The following ZNF148 variants were observed in gnomAD, a reference collection of about 807,000 sequenced individuals.
ZNF148 encodes the protein zinc finger protein 148, also known as Beta-Enolase Repressor Factor-1.
Under a neutral mutation model 67.7 loss-of-function variants are expected in ZNF148, and 7 were observed. That is an observed-to-expected ratio of 0.10 (90% CI 0.06 to 0.19). ZNF148 has a LOEUF of 0.19. Among genes scored for constraint, ZNF148 ranks in the 10% least tolerant of loss-of-function variants. The probability of loss-of-function intolerance (pLI) is 1.00; values close to 1 mark genes in which losing one functional copy is unlikely to be tolerated. For missense variants in ZNF148, 583 were observed against 947.1 expected (o/e 0.62, Z 5.05); for synonymous variants, 333 against 330.7 (o/e 1.01, Z -0.08).
At chr3:125,280,974 G>A (rs1938353009) in intron 5 of ZNF148, among the ~76,000 whole-genome samples, 2 of 152,166 alleles carry the variant, frequency 1.3e-5, no homozygotes, top group Non-Finnish European at 1.5e-5. Flanking sequence ...ACACAGCTAT[G>A]ACCCCTTCTC....
intron 4 of ZNF148, chr3:125,311,237 A>C (rs1940195089): frequency 6.4e-6 from 1 of 155,324 alleles, no homozygotes; most frequent in Admixed American, 6.5e-5. Context: ...TAAAGTCAGA[A>C]AAAGTGATCG....
intron 4 of ZNF148, among the ~76,000 whole-genome samples, chr3:125,312,160 A>G (rs9858336): frequency 0.77 from 117,277 of 152,124 alleles, 45,754 homozygotes; most frequent in African/African-American, 0.85. Flanking sequence ...AATATTTCTC[A>G]TGAACACAAA....
At position 125,232,855 on chromosome 3, in the gene ZNF148, T is replaced by C. The variant is rs142424101; in HGVS notation, c.1871A>G (p.Asn624Ser). The C allele has an allele frequency of 8.7e-4, 1,399 of 1,613,862 alleles. No individual in the cohort carries two copies. Among genetic ancestry groups the C allele is most frequent in the Non-Finnish European group, 1.1e-3 (1,312 of 1,179,814 alleles). Reference sequence around the variant, plus strand: ...AGTCACAAAGTTAAGGCTCGGGCTATTCAAATAGGCATCATTTTGGCTAGT... The same window carrying C: ...AGTCACAAAGTTAAGGCTCGGGCTACTCAAATAGGCATCATTTTGGCTAGT... ...DRTSQNDAYL[N>S]SPSLNFVTDN... The change falls in exon 9 of 9, where the codon AAT becomes AGT. Residue 624 changes from asparagine (N) to serine (S), a missense_variant. Asn to Ser is a conservative substitution (Grantham distance 46). This residue lies in a region of ZNF148 where 158 missense variants were observed against 208.4 expected (regional missense o/e 0.76). Transcript: ENST00000360647. This position sits in a 1 kb window ranked among gnomAD's most constrained non-coding sequence, Gnocchi z 4.2.
intron 1 of ZNF148, among the ~76,000 whole-genome samples, chr3:125,368,443 TG>T (rs1042112565): frequency 2.0e-5 from 3 of 152,206 alleles, no homozygotes; most frequent in African/African-American, 7.2e-5. Context: ...ACTTCCTCCT[TG>T]GGAGTGTTTT....
At chr3:125,255,174 T>A (rs1006820893) in intron 7 of ZNF148, among the ~76,000 whole-genome samples, 1 of 151,850 alleles carries the variant, frequency 6.6e-6, no homozygotes, top group South Asian at 2.1e-4. Context: ...ATTATCAATG[T>A]CTGGTCTGTA....
chr3:125,263,891 A>C (rs141574600), intron 7 of ZNF148, among the ~76,000 whole-genome samples: 3 of 152,308 alleles, frequency 2.0e-5, no homozygotes, highest in African/African-American at 7.2e-5. Flanking sequence ...AAGCCTAGAA[A>C]TTTCAGCCCC....
chr3:125,273,771 A>AC (rs1156670669), intron 7 of ZNF148, among the ~76,000 whole-genome samples: 2 of 152,002 alleles, frequency 1.3e-5, no homozygotes. Context: ...GAGCCACCGC[A>AC]CCCGGCCGGG....
rs367660137 is a variant in ZNF148 at position 125,372,430 on chromosome 3, A to G, written c.-234+2672T>C. 2.2e-4 allele frequency among the ~76,000 whole-genome samples: 34 copies of G among 152,356 alleles called. 1 individual carries two copies. Among genetic ancestry groups the G allele is most frequent in the African/African-American group, 7.9e-4 (33 of 41,580 alleles). The stretch of plus-strand genomic sequence containing the variant: ...ACTAAAATAAATATCAAAGGTCAGA[A>G]AGGAGGAGAAAGGGGATAATGTCAA... On this transcript the variant is annotated intron_variant, in intron 1 of 8. Transcript: ENST00000360647.
At position 125,228,581 on chromosome 3, in the gene ZNF148, A is replaced by C. The variant is rs1252183600; in HGVS notation, c.*3760T>G. On this transcript the variant is annotated 3_prime_UTR_variant, in exon 9 of 9. Coordinates refer to ENST00000360647, the MANE Select transcript of ZNF148 (RefSeq NM_021964.3). ...CATATGCCTTCTAACATAAAGCAGT[A>C]CTGTGATTTGTTTGTACATATTTAC... 1 of 152,652 alleles carries C rather than the reference A, an allele frequency of 6.6e-6. No homozygotes were observed. The highest frequency in any genetic ancestry group is 1.9e-4 in the East Asian group (1 of 5,200). The allele number at this position is 152,652 out of a possible 1,614,324, so 9.5% of individuals were successfully genotyped here.
At chr3:125,267,260 G>GA (rs565392512) in intron 7 of ZNF148, among the ~76,000 whole-genome samples, 97 of 137,014 alleles carry the variant, frequency 7.1e-4, no homozygotes, top group South Asian at 1.2e-3. Context: ...ACACAACGGG[G>GA]AAAAAAAAAA....
At chr3:125,318,826 A>G (rs374246746) in intron 3 of ZNF148, among the ~76,000 whole-genome samples, 3 of 152,162 alleles carry the variant, frequency 2.0e-5, no homozygotes, top group Admixed American at 6.5e-5. Flanking sequence ...ACTCAGGCCA[A>G]TTTCTCCTAA....
In ZNF148 at chr3:125,225,925, A is replaced by G. The variant is rs1363471044; in HGVS notation, c.*6416T>C. ...GTTTAAATTTGTTCCATGGACCCAG[A>G]CTGCACTCCTAACCACAGACAACTT... On this transcript the variant is annotated 3_prime_UTR_variant, in exon 9 of 9. Transcript: ENST00000360647. 2.0e-5 allele frequency: 3 copies of G among 152,246 alleles called. No homozygotes were observed. Among genetic ancestry groups the G allele is most frequent in the Non-Finnish European group, 4.4e-5 (3 of 68,064 alleles). 9.4% of individuals were successfully genotyped at this position (152,246 alleles called of 1,614,324 possible). A position where few individuals can be genotyped will look rare whatever the true frequency, so the allele number is the denominator to read the frequency against.
chr3:125,248,489 G>A (rs768588451), intron 7 of ZNF148, among the ~76,000 whole-genome samples: 4 of 151,972 alleles, frequency 2.6e-5, no homozygotes, highest in Non-Finnish European at 2.9e-5. Flanking sequence ...AATGCACATC[G>A]GCTTTCTTCC....
At chr3:125,374,226 C>T (rs1480828721) in intron 1 of ZNF148, among the ~76,000 whole-genome samples, 3 of 152,140 alleles carry the variant, frequency 2.0e-5, no homozygotes, top group African/African-American at 7.2e-5. Flanking sequence ...CCCACACTTA[C>T]CAGATGTCAT....
At chr3:125,368,666 C>T (rs1942773471) in intron 1 of ZNF148, among the ~76,000 whole-genome samples, 1 of 152,048 alleles carries the variant, frequency 6.6e-6, no homozygotes, top group South Asian at 2.1e-4. Flanking sequence ...GCCTCTTGGC[C>T]GGGTGTGATG....
rs1451582960 is a variant in ZNF148, at chr3:125,226,848, A to C, written c.*5493T>G. ...CTGCTGACTACTGATGTAAAAGTTT[A>C]TATTTAAAAATATCACAAATCTCTT... On this transcript the variant is annotated 3_prime_UTR_variant, in exon 9 of 9. Transcript: ENST00000360647. The C allele has an allele frequency of 6.6e-6, 1 of 152,224 alleles. No individual in the cohort carries two copies. Among genetic ancestry groups the C allele is most frequent in the East Asian group, 1.9e-4 (1 of 5,206 alleles). The allele number at this position is 152,224 out of a possible 1,614,324, so 9.4% of individuals were successfully genotyped here. A position where few individuals can be genotyped will look rare whatever the true frequency, so the allele number is the denominator to read the frequency against.
At chr3:125,356,781 T>C (rs1942356616) in intron 1 of ZNF148, among the ~76,000 whole-genome samples, 1 of 152,246 alleles carries the variant, frequency 6.6e-6, no homozygotes, top group Non-Finnish European at 1.5e-5. Context: ...CACAAGTAGT[T>C]CTTTCCTGGC....
intron 4 of ZNF148, among the ~76,000 whole-genome samples, chr3:125,306,058 G>A (rs1301234187): frequency 6.6e-6 from 1 of 151,862 alleles, no homozygotes; most frequent in Non-Finnish European, 1.5e-5. Flanking sequence ...AAAATATTCA[G>A]AAATTAAGCA....
intron 5 of ZNF148, 126 bp downstream of exon 5, chr3:125,287,977 C>G: frequency 7.5e-7 from 1 of 1,339,942 alleles, no homozygotes; most frequent in South Asian, 1.5e-5. Context: ...CAGGCACGCA[C>G]CCCCTCCTAC....
Sources: allele counts gnomAD v4.1 joint callset (sites outside exome capture counted in the v4.1 genomes callset), GRCh38; gene constraint gnomAD v4.1.1; regional missense constraint gnomAD v4.1.1; non-coding constraint Gnocchi (gnomAD v3.1); transcripts MANE v1.5; gene names NCBI Gene and HGNC (gene_info 2026-07-23, HGNC 2026-07-21).